The following PTPRN2 variants were observed in gnomAD, a reference collection of about 807,000 sequenced individuals.
PTPRN2 encodes receptor-type tyrosine-protein phosphatase N2.
In PTPRN2, 74 loss-of-function variants were observed where a neutral mutation model predicts 118.8. That is an observed-to-expected ratio of 0.62 (90% CI 0.52 to 0.76). The LOEUF (loss-of-function observed/expected upper bound fraction) is 0.76, where lower values mean the gene tolerates loss of function less well. PTPRN2 is among the 30% of genes least tolerant of loss of function. The probability of loss-of-function intolerance (pLI) is 0.00; values close to 1 mark genes in which losing one functional copy is unlikely to be tolerated. For missense variants in PTPRN2, 1,481 were observed against 1,394.4 expected (o/e 1.06, Z -0.99); for synonymous variants, 641 against 608.0 (o/e 1.05, Z -0.80).
At chr7:158,340,699 CTG>C (rs1563175223) in intron 2 of PTPRN2, among the ~76,000 whole-genome samples, 14 of 85,398 alleles carry the variant, frequency 1.6e-4, no homozygotes, top group African/African-American at 5.7e-4. Context: ...GAGGTGAAAC[CTG>C]CAGACGTCAC....
chr7:158,032,973 C>T (rs1585237915), intron 11 of PTPRN2, among the ~76,000 whole-genome samples: 1 of 150,174 alleles, frequency 6.7e-6, no homozygotes, highest in South Asian at 2.1e-4. Context: ...TGAGTTGTTT[C>T]TTCAGATGTG....
intron 21 of PTPRN2, among the ~76,000 whole-genome samples, chr7:157,567,647 C>T (rs1348110037): frequency 6.6e-6 from 1 of 152,026 alleles, no homozygotes; most frequent in African/African-American, 2.4e-5. Flanking sequence ...CTGCTCCTGT[C>T]ACTGGGCCAG....
chr7:157,589,572 T>C (rs1446538269), intron 17 of PTPRN2, among the ~76,000 whole-genome samples: 1 of 152,204 alleles, frequency 6.6e-6, no homozygotes, highest in African/African-American at 2.4e-5. Context: ...GCCTCCTCCC[T>C]AAGCGGCTTG....
At position 157,749,620 on chromosome 7, in the gene PTPRN2, G is replaced by A. The variant is rs139326998; in HGVS notation, c.1789-66683C>T. Among the ~76,000 whole-genome samples the A allele has an allele frequency of 7.3e-3, 1,007 of 138,536 alleles. 87 individuals are homozygous for A. Among genetic ancestry groups the A allele is most frequent in the African/African-American group, 0.027 (964 of 35,454 alleles). The allele number at this position is 138,536 out of a possible 152,430, so 90.9% of individuals were successfully genotyped here. A position where few individuals can be genotyped will look rare whatever the true frequency, so the allele number is the denominator to read the frequency against. On this transcript the variant is annotated intron_variant, in intron 12 of 22. Transcript: ENST00000389418. The stretch of plus-strand genomic sequence containing the variant: ...CTGTGGGGTGTCTGAGTGATTCTGC[G>A]GCCTGTGTCTCTGAGCTGTGGGGTG...
In PTPRN2 at chr7:157,794,715, C is replaced by T. The variant is rs567279702; in HGVS notation, c.1788+103958G>A. 6.6e-6 allele frequency among the ~76,000 whole-genome samples: 1 copy of T among 152,332 alleles called. No individual in the cohort carries two copies. Among genetic ancestry groups the T allele is most frequent in the African/African-American group, 2.4e-5 (1 of 41,580 alleles). Reference sequence around the variant, plus strand: ...GCAGCTCAAGGAGCCTGAAGACACCCAGCCTGAAACCACGATAAATGTGTG... The same window carrying T: ...GCAGCTCAAGGAGCCTGAAGACACCTAGCCTGAAACCACGATAAATGTGTG... On this transcript the variant is annotated intron_variant, in intron 12 of 22. Transcript: ENST00000389418. This position sits in a 1 kb window ranked among gnomAD's most constrained non-coding sequence, Gnocchi z 5.2.
At position 158,587,686 on chromosome 7, in the gene PTPRN2, G is replaced by T. The variant is rs1270637039; in HGVS notation, c.-17C>A. On this transcript the variant is annotated 5_prime_UTR_variant, in exon 1 of 23. Transcript: ENST00000389418. Reference sequence around the variant, plus strand: ...CGGCCCCATCCCCGCGGCCTGGCCGGCGGCGCTCAGTCCATGGCCGCGCGG... The same window carrying T: ...CGGCCCCATCCCCGCGGCCTGGCCGTCGGCGCTCAGTCCATGGCCGCGCGG... The T allele has an allele frequency of 1.5e-6, 2 of 1,309,486 alleles. No individual in the cohort carries two copies. The highest frequency in any genetic ancestry group is 1.6e-5 in the African/African-American group (1 of 63,622). 81.1% of individuals were successfully genotyped at this position (1,309,486 alleles called of 1,614,324 possible).
intron 2 of PTPRN2, among the ~76,000 whole-genome samples, chr7:158,320,085 A>T (rs1802855341): frequency 1.6e-5 from 1 of 61,082 alleles, no homozygotes; most frequent in African/African-American, 6.3e-5. Flanking sequence ...AGCCTCCCTC[A>T]CACACACTCA....
At chr7:157,705,679 ATT>A (rs1798292447) in intron 12 of PTPRN2, among the ~76,000 whole-genome samples, 1 of 151,952 alleles carries the variant, frequency 6.6e-6, no homozygotes, top group Non-Finnish European at 1.5e-5. Flanking sequence ...AATGCTGGGA[ATT>A]GAGTGAATCT....
intron 11 of PTPRN2, among the ~76,000 whole-genome samples, chr7:157,920,559 G>A (rs1049906241): frequency 6.6e-6 from 1 of 152,204 alleles, no homozygotes; most frequent in Admixed American, 6.5e-5. Flanking sequence ...TGAGATGTTT[G>A]AGACTTCCCA....
chr7:158,429,626 A>G (rs1254055615), intron 2 of PTPRN2, among the ~76,000 whole-genome samples: 1 of 152,238 alleles, frequency 6.6e-6, no homozygotes, highest in Non-Finnish European at 1.5e-5. Context: ...CCATCCCAAC[A>G]GCAGAGCCCT....
At chr7:158,132,498 C>T (rs150700505) in intron 9 of PTPRN2, among the ~76,000 whole-genome samples, 1 of 151,932 alleles carries the variant, frequency 6.6e-6, no homozygotes, top group Non-Finnish European at 1.5e-5. Flanking sequence ...CGCACATGCA[C>T]ATACAGATGC....
At chr7:158,487,782 G>C (rs776891810) in intron 2 of PTPRN2, among the ~76,000 whole-genome samples, 2 of 151,966 alleles carry the variant, frequency 1.3e-5, no homozygotes, top group African/African-American at 4.8e-5. Flanking sequence ...TTCTCCTATC[G>C]CTCCCCGTCA....
chr7:157,857,848 T>C (rs1339264581), intron 12 of PTPRN2: 1 of 152,684 alleles, frequency 6.5e-6, no homozygotes, highest in Non-Finnish European at 1.5e-5. Flanking sequence ...CATCCCGAGG[T>C]TGGGGGTGGA....
At chr7:158,291,847 CA>C (rs748529788) in intron 3 of PTPRN2, among the ~76,000 whole-genome samples, 73 of 152,170 alleles carry the variant, frequency 4.8e-4, no homozygotes, top group Non-Finnish European at 8.5e-4. Flanking sequence ...AAGTTTAACT[CA>C]AGAAGAGAGA....
intron 2 of PTPRN2, among the ~76,000 whole-genome samples, chr7:158,378,145 CAT>C (rs1810692974): frequency 6.6e-6 from 1 of 152,072 alleles, no homozygotes; most frequent in African/African-American, 2.4e-5. Flanking sequence ...GCATACAAAT[CAT>C]ATGATTATAC....
At chr7:157,852,081 A>G (rs1381587999) in intron 12 of PTPRN2, among the ~76,000 whole-genome samples, 1 of 152,364 alleles carries the variant, frequency 6.6e-6, no homozygotes, top group South Asian at 2.1e-4. Context: ...GTCTGTTTGC[A>G]GCGGTGCCCG....
chr7:157,562,552 C>T (rs977481882), intron 21 of PTPRN2, among the ~76,000 whole-genome samples: 36 of 152,312 alleles, frequency 2.4e-4, no homozygotes, highest in Admixed American at 1.2e-3. Flanking sequence ...TGGAACAAGG[C>T]GGCTCTGGAG....
intron 3 of PTPRN2, among the ~76,000 whole-genome samples, chr7:158,259,935 G>A (rs1797285469): frequency 7.0e-6 from 1 of 143,848 alleles, no homozygotes; most frequent in African/African-American, 2.7e-5. Flanking sequence ...GTGTCCATGT[G>A]TCTCTGGTAT....
At chr7:158,384,170 C>A (rs1811163027) in intron 2 of PTPRN2, among the ~76,000 whole-genome samples, 1 of 152,228 alleles carries the variant, frequency 6.6e-6, no homozygotes, top group Admixed American at 6.5e-5. Flanking sequence ...GCACACATGT[C>A]TATTTGTCTG....
Sources: gnomAD v4.1 joint callset for allele counts (sites outside exome capture counted in the v4.1 genomes callset) on GRCh38, gnomAD v4.1.1 for gene constraint, Gnocchi (gnomAD v3.1) non-coding constraint, MANE v1.5 for transcripts, NCBI Gene and HGNC (gene_info 2026-07-23, HGNC 2026-07-21) for gene names.